Variants in SCN11A observed in about 807,000 individuals in gnomAD.
SCN11A encodes the protein sodium channel protein type 11 subunit alpha.
In SCN11A, 122 loss-of-function variants were observed where a neutral mutation model predicts 162.2. The observed-to-expected ratio is 0.75, with a 90% CI of 0.65 to 0.87. SCN11A has a LOEUF of 0.87. Ranked by LOEUF, SCN11A falls within the 40% of genes least tolerant of loss-of-function variation. The pLI is 0.00. For missense variants in SCN11A, 2,015 were observed against 2,181.6 expected (o/e 0.92, Z 1.52); for synonymous variants, 758 against 751.5 (o/e 1.01, Z -0.14).
At chr3:39,019,783 T>C (rs1395654993) in intron 2 of SCN11A, among the ~76,000 whole-genome samples, 1 of 152,242 alleles carries the variant, frequency 6.6e-6, no homozygotes, top group Non-Finnish European at 1.5e-5. Flanking sequence ...TGATATTCCC[T>C]TTTATCACAA....
At chr3:38,869,086 G>A (rs915873409) in intron 26 of SCN11A, among the ~76,000 whole-genome samples, 11 of 152,128 alleles carry the variant, frequency 7.2e-5, no homozygotes, top group African/African-American at 2.4e-4. Context: ...AGAGTGCTGG[G>A]TGACTATATA....
At chr3:38,970,750 C>T (rs574651095) in intron 2 of SCN11A, among the ~76,000 whole-genome samples, 6 of 152,198 alleles carry the variant, frequency 3.9e-5, no homozygotes, top group East Asian at 3.9e-4. Flanking sequence ...TATAACACCC[C>T]GCATGATGTT....
chr3:38,857,844 G>A (rs890731205), intron 28 of SCN11A, among the ~76,000 whole-genome samples: 2 of 152,070 alleles, frequency 1.3e-5, no homozygotes, highest in Non-Finnish European at 2.9e-5. Context: ...CCTATCTTTA[G>A]CCTCCATAAA....
At position 38,904,057 on chromosome 3, in the gene SCN11A, C is replaced by G; in HGVS notation, c.1650G>C (p.Leu550=). The G allele has an allele frequency of 6.2e-7, 1 of 1,600,592 alleles. No individual in the cohort carries two copies. The highest frequency in any genetic ancestry group is 8.5e-7 in the Non-Finnish European group (1 of 1,175,554). ...AGTTCCACACGAGGTACTTGGATGCCAGGTTTTCTCCACAAGGGAGACAAG... is the reference window on the plus strand; with the variant it reads ...AGTTCCACACGAGGTACTTGGATGCGAGGTTTTCTCCACAAGGGAGACAAG... ...QEPCLPCGEN[L]ASKYLVWNCC... Residue 550 remains leucine (L), a synonymous_variant, in exon 16 of 30, where the codon CTG becomes CTC. Coordinates refer to ENST00000302328, the MANE Select transcript of SCN11A (RefSeq NM_001349253.2).
intron 11 of SCN11A, among the ~76,000 whole-genome samples, chr3:38,912,680 C>A (rs79690731): frequency 6.6e-6 from 1 of 152,026 alleles, no homozygotes; most frequent in African/African-American, 2.4e-5. Flanking sequence ...TTTCTATGTC[C>A]GTGAGTTCTC....
At chr3:38,952,367 C>G (rs930933295) in intron 4 of SCN11A, among the ~76,000 whole-genome samples, 1 of 152,196 alleles carries the variant, frequency 6.6e-6, no homozygotes, top group African/African-American at 2.4e-5. Flanking sequence ...TTCCCCATGC[C>G]AGCCATCCTC....
Position 38,871,363 on chromosome 3 carries a change from G to A in SCN11A, c.3759+82C>T, listed in dbSNP as rs1575226856. 3.7e-6 allele frequency: 5 copies of A among 1,337,622 alleles called. No homozygotes were observed. In the East Asian group the frequency reaches 9.5e-5, roughly 25 times the overall value. The allele number at this position is 1,337,622 out of a possible 1,614,324, so 82.9% of individuals were successfully genotyped here. ...CTTCTATTATCACAATGGAGTCACTGCATTTTTATTAGCTGAGAAACAATT... is the reference window on the plus strand; with the variant it reads ...CTTCTATTATCACAATGGAGTCACTACATTTTTATTAGCTGAGAAACAATT... On this transcript the variant is annotated intron_variant, in intron 25 of 29. Transcript: ENST00000302328.
chr3:38,854,974 G>A (rs2064843421), intron 28 of SCN11A, among the ~76,000 whole-genome samples: 1 of 152,208 alleles, frequency 6.6e-6, no homozygotes, highest in South Asian at 2.1e-4. Flanking sequence ...TGATAATTTC[G>A]ACTGGGCACA....
chr3:38,976,074 CATA>C (rs1456093621), intron 2 of SCN11A, among the ~76,000 whole-genome samples: 3 of 151,894 alleles, frequency 2.0e-5, no homozygotes, highest in South Asian at 2.1e-4. Flanking sequence ...ACATAATAAG[CATA>C]ATAAGATAGT....
At chr3:38,981,715 T>C (rs1321754554) in intron 2 of SCN11A, among the ~76,000 whole-genome samples, 1 of 151,774 alleles carries the variant, frequency 6.6e-6, no homozygotes, top group Non-Finnish European at 1.5e-5. Flanking sequence ...TCAAAAAACA[T>C]AAGGGAGAGC....
At chr3:38,906,281 C>T (rs935522870) in intron 14 of SCN11A, among the ~76,000 whole-genome samples, 1 of 152,168 alleles carries the variant, frequency 6.6e-6, no homozygotes, top group African/African-American at 2.4e-5. Context: ...TTTCTCTGGA[C>T]AATTAAAATA....
chr3:38,898,212 T>C (rs1035581687), intron 17 of SCN11A, among the ~76,000 whole-genome samples: 2 of 152,234 alleles, frequency 1.3e-5, no homozygotes, highest in Non-Finnish European at 2.9e-5. Context: ...TACTCCAGCC[T>C]GGGCAACAGA....
chr3:38,943,943 TC>T (rs1444476924), intron 7 of SCN11A, among the ~76,000 whole-genome samples: 3 of 152,136 alleles, frequency 2.0e-5, no homozygotes, highest in Non-Finnish European at 2.9e-5. Flanking sequence ...ATTGTATATT[TC>T]AAAATAGCTA....
chr3:38,894,156 C>CTT (rs34748960), intron 19 of SCN11A, among the ~76,000 whole-genome samples: 2 of 151,816 alleles, frequency 1.3e-5, no homozygotes, highest in Admixed American at 6.6e-5. Context: ...CCAGCACTGC[C>CTT]TTTTTTTTCT....
intron 27 of SCN11A, among the ~76,000 whole-genome samples, chr3:38,864,848 C>T (rs891990566): frequency 1.3e-5 from 2 of 151,350 alleles, no homozygotes; most frequent in Admixed American, 1.3e-4. Context: ...GATTTGAAAA[C>T]AAACAAACAA....
intron 7 of SCN11A, among the ~76,000 whole-genome samples, chr3:38,941,648 T>C (rs1351944771): frequency 6.6e-6 from 1 of 152,156 alleles, no homozygotes; most frequent in East Asian, 1.9e-4. Context: ...CAATGCATTG[T>C]TTAATATGTG....
chr3:38,981,632 A>C (rs755584460), intron 2 of SCN11A, among the ~76,000 whole-genome samples: 1 of 151,994 alleles, frequency 6.6e-6, no homozygotes, highest in Non-Finnish European at 1.5e-5. Flanking sequence ...TTTTTTAGAC[A>C]AAGTGCCATA....
At chr3:38,864,647 T>C (rs968145719) in intron 27 of SCN11A, among the ~76,000 whole-genome samples, 2 of 152,154 alleles carry the variant, frequency 1.3e-5, no homozygotes, top group Non-Finnish European at 2.9e-5. Context: ...TAGAAAGGCT[T>C]AGAAACAATG....
chr3:38,977,363 G>A (rs1221265951), intron 2 of SCN11A, among the ~76,000 whole-genome samples: 3 of 152,248 alleles, frequency 2.0e-5, no homozygotes, highest in African/African-American at 7.2e-5. Flanking sequence ...GCTCCCCATT[G>A]GCACTGGATA....
Sources: gnomAD v4.1 joint callset for allele counts (sites outside exome capture counted in the v4.1 genomes callset) on GRCh38, gnomAD v4.1.1 for gene constraint, MANE v1.5 for transcripts, NCBI Gene and HGNC (gene_info 2026-07-23, HGNC 2026-07-21) for gene names.